Variants in COL5A1 observed in about 807,000 individuals in gnomAD.
COL5A1 encodes the protein collagen alpha-1(V) chain.
In COL5A1, 16 loss-of-function variants were observed where a neutral mutation model predicts 263.7. That is an observed-to-expected ratio of 0.06 (90% CI 0.04 to 0.09). The LOEUF is 0.09. Among genes scored for constraint, COL5A1 ranks in the 10% least tolerant of loss-of-function variants. The probability of loss-of-function intolerance (pLI) is 1.00; values close to 1 mark genes in which losing one functional copy is unlikely to be tolerated. For missense variants in COL5A1, 2,036 were observed against 2,540.5 expected, an observed-to-expected ratio of 0.80 and a Z score of 4.27; for synonymous variants, 1,012 against 1,004.5, an observed-to-expected ratio of 1.01 and a Z score of -0.14.
chr9:134,828,103 G>T (rs1839368488), intron 63 of COL5A1, among the ~76,000 whole-genome samples: 1 of 152,204 alleles, frequency 6.6e-6, no homozygotes, highest in African/African-American at 2.4e-5. Flanking sequence ...CGGCCCTGGG[G>T]GCCCTTCCAC....
chr9:134,819,693 A>C (rs893861437), intron 57 of COL5A1, among the ~76,000 whole-genome samples: 1 of 152,226 alleles, frequency 6.6e-6, no homozygotes. Context: ...TTAGAAAAAC[A>C]ACCCATGATT....
At chr9:134,697,714 G>A (rs976516433) in intron 2 of COL5A1, among the ~76,000 whole-genome samples, 4 of 152,144 alleles carry the variant, frequency 2.6e-5, no homozygotes, top group African/African-American at 7.2e-5. Flanking sequence ...GGGTCCCTAC[G>A]GTGGGTGGGC....
At chr9:134,735,999 C>G (rs181233579) in intron 9 of COL5A1, among the ~76,000 whole-genome samples, 1 of 150,906 alleles carries the variant, frequency 6.6e-6, no homozygotes, top group Admixed American at 6.6e-5. Context: ...CATCTGCGGC[C>G]CCCCCAGCCG....
intron 1 of COL5A1, among the ~76,000 whole-genome samples, chr9:134,655,505 G>T (rs1831938003): frequency 1.3e-5 from 2 of 152,096 alleles, no homozygotes; most frequent in African/African-American, 4.8e-5. Context: ...CATCTGTCAA[G>T]TGGGCATGAG....
intron 57 of COL5A1, among the ~76,000 whole-genome samples, chr9:134,819,824 AAGAC>A (rs1209273468): frequency 6.6e-6 from 1 of 152,250 alleles, no homozygotes; most frequent in Non-Finnish European, 1.5e-5. Context: ...TACGAAGAGA[AAGAC>A]AGAGATAAAC....
intron 7 of COL5A1, 22 bp downstream of exon 7, chr9:134,730,497 G>A (rs1375083577): frequency 6.2e-7 from 1 of 1,613,548 alleles, no homozygotes; most frequent in East Asian, 2.2e-5. Flanking sequence ...CCTTCCCATT[G>A]GTTTGGTCTG....
intron 61 of COL5A1, 140 bp downstream of exon 61, chr9:134,823,609 G>A (rs556042901): frequency 3.5e-5 from 29 of 827,632 alleles, no homozygotes; most frequent in Non-Finnish European, 4.8e-5. Context: ...TCCCTCGCAC[G>A]CAGCCGGGGA....
rs1015614903 is a variant in COL5A1 at position 134,707,092 on chromosome 9, C to T, written c.654+5759C>T. 9.9e-5 allele frequency among the ~76,000 whole-genome samples: 15 copies of T among 152,222 alleles called. 1 individual carries two copies. The South Asian group carries it at 1.0e-3, about 11-fold the overall frequency. On this transcript the variant is annotated intron_variant, in intron 4 of 65. Transcript: ENST00000371817. ...CGGGACTAAGAGGGGGCCTGGGGTG[C>T]CTCTGCCTTGAGGCCTGCCGTGGAA...
At chr9:134,792,480 A>G (rs896063872) in intron 32 of COL5A1, among the ~76,000 whole-genome samples, 103 of 152,216 alleles carry the variant, frequency 6.8e-4, no homozygotes, top group African/African-American at 2.5e-3. Flanking sequence ...GGCTCAAGCA[A>G]TTCTCCTGCC....
chr9:134,729,486 G>A (rs1227403159), intron 6 of COL5A1, among the ~76,000 whole-genome samples: 18 of 152,054 alleles, frequency 1.2e-4, no homozygotes, highest in African/African-American at 4.1e-4. Context: ...ATGCAGGCAC[G>A]GGTGTGCTTG....
rs992876645 is a variant in COL5A1, at chr9:134,682,300, G to A, written c.110-8612G>A. Among the ~76,000 whole-genome samples the A allele has an allele frequency of 6.6e-6, 1 of 152,172 alleles. No individual in the cohort carries two copies. The highest frequency in any genetic ancestry group is 1.5e-5 in the Non-Finnish European group (1 of 68,026). On this transcript the variant is annotated intron_variant, in intron 1 of 65. Transcript: ENST00000371817. The surrounding 1 kb of genome is among the most constrained non-coding windows in gnomAD (Gnocchi z 5.1). The stretch of plus-strand genomic sequence containing the variant: ...CCCCCAGCCATGCTGCCTGGAGGCC[G>A]GGTCCTGAGCGGAGCACTCTGTACC...
intron 1 of COL5A1, among the ~76,000 whole-genome samples, chr9:134,685,037 T>TCCA (rs1832971778): frequency 9.6e-6 from 1 of 104,690 alleles, no homozygotes; most frequent in Non-Finnish European, 2.1e-5. Context: ...CATCCATTCA[T>TCCA]CCATCCACCA....
At chr9:134,776,614 G>T (rs1460183775) in intron 27 of COL5A1, among the ~76,000 whole-genome samples, 2 of 152,220 alleles carry the variant, frequency 1.3e-5, no homozygotes, top group African/African-American at 4.8e-5. Context: ...GGATTGCGTG[G>T]GCCGAGCTGC....
chr9:134,702,026 G>A (rs2132575060), intron 4 of COL5A1, among the ~76,000 whole-genome samples: 1 of 152,298 alleles, frequency 6.6e-6, no homozygotes, highest in South Asian at 2.1e-4. Flanking sequence ...GCTGCCCCGG[G>A]TGGGGGCGTT....
At chr9:134,730,956 C>G (rs532596789) in intron 7 of COL5A1, among the ~76,000 whole-genome samples, 3 of 152,284 alleles carry the variant, frequency 2.0e-5, no homozygotes, top group East Asian at 1.9e-4. Flanking sequence ...AAGCTCTGCC[C>G]GAGACCTTGG....
At chr9:134,705,466 C>T (rs1208820357) in intron 4 of COL5A1, among the ~76,000 whole-genome samples, 1 of 152,240 alleles carries the variant, frequency 6.6e-6, no homozygotes, top group Non-Finnish European at 1.5e-5. Flanking sequence ...TGCTGTCCCT[C>T]ACAGAGCCAC....
intron 1 of COL5A1, among the ~76,000 whole-genome samples, chr9:134,648,098 A>T: frequency 6.6e-6 from 1 of 151,886 alleles, no homozygotes; most frequent in Non-Finnish European, 1.5e-5. Flanking sequence ...GCAGAAAAAC[A>T]TGAAGAGACG....
chr9:134,664,422 C>T lies in COL5A1; in HGVS notation c.109+22126C>T, dbSNP rs186168872. Among the ~76,000 whole-genome samples, 293 of 151,838 alleles carry T rather than the reference C, an allele frequency of 1.9e-3. 7 individuals are homozygous for T. The highest frequency in any genetic ancestry group is 6.2e-4 in the Non-Finnish European group (42 of 67,926). On this transcript the variant is annotated intron_variant, in intron 1 of 65. Coordinates refer to ENST00000371817, the MANE Select transcript of COL5A1 (RefSeq NM_000093.5). ...GAAAAGCAAAAAAACAACTGGTCAC[C>T]GTAAGAAGAGAATCTACACCTATCT...
At chr9:134,713,201 C>T (rs759274871) in intron 4 of COL5A1, among the ~76,000 whole-genome samples, 9 of 152,272 alleles carry the variant, frequency 5.9e-5, no homozygotes, top group Non-Finnish European at 8.8e-5. Context: ...AGCCACGCCA[C>T]GTGGTCTTCT....
Sources: gnomAD v4.1 joint callset for allele counts (sites outside exome capture counted in the v4.1 genomes callset) on GRCh38, gnomAD v4.1.1 for gene constraint, Gnocchi (gnomAD v3.1) non-coding constraint, MANE v1.5 for transcripts, NCBI Gene and HGNC (gene_info 2026-07-23, HGNC 2026-07-21) for gene names.